The following PDE1C variants were observed in gnomAD, a reference collection of about 807,000 sequenced individuals.
PDE1C encodes dual specificity calcium/calmodulin-dependent 3',5'-cyclic nucleotide phosphodiesterase 1C.
In PDE1C, 62 loss-of-function variants were observed where a neutral mutation model predicts 93.1. The ratio of observed to expected loss-of-function variants is 0.67; its 90% CI spans 0.54 to 0.82. PDE1C has a LOEUF of 0.82. Ranked by LOEUF, PDE1C falls within the 40% of genes least tolerant of loss-of-function variation. PDE1C has a pLI of 0.00. For synonymous variants in PDE1C, 325 were observed against 310.1 expected, an observed-to-expected ratio of 1.05 and a Z score of -0.50; for missense variants, 742 against 884.6, an observed-to-expected ratio of 0.84 and a Z score of 2.04.
At chr7:32,402,845 G>A (rs1784975823) in intron 1 of PDE1C, among the ~76,000 whole-genome samples, 27 of 152,202 alleles carry the variant, frequency 1.8e-4, no homozygotes, top group Admixed American at 1.8e-3. Flanking sequence ...AGATGCTGAA[G>A]GTGAATTGTC....
At chr7:32,124,170 G>C (rs758247666) in intron 3 of PDE1C, among the ~76,000 whole-genome samples, 1 of 152,056 alleles carries the variant, frequency 6.6e-6, no homozygotes, top group Non-Finnish European at 1.5e-5. Flanking sequence ...ACTTCTTCAA[G>C]GAGAACTACA....
intron 1 of PDE1C, among the ~76,000 whole-genome samples, chr7:32,226,344 G>A (rs1209506750): frequency 6.6e-6 from 1 of 152,032 alleles, no homozygotes; most frequent in Non-Finnish European, 1.5e-5. Flanking sequence ...AAGGAGATGA[G>A]GGCCTCAAAG....
At chr7:31,631,670 GGAAGGAAA>G in the PDE1C span, among the ~76,000 whole-genome samples, 4 of 152,232 alleles carry the variant, frequency 2.6e-5, no homozygotes, top group East Asian at 3.9e-4. Flanking sequence ...AGCAACGGAA[GGAAGGAAA>G]GAAGGGAGGA....
At chr7:31,971,467 C>T (rs888428866) in intron 2 of PDE1C, among the ~76,000 whole-genome samples, 2 of 152,212 alleles carry the variant, frequency 1.3e-5, no homozygotes, top group African/African-American at 4.8e-5. Context: ...GAGTCTCTGA[C>T]GATCACGCTA....
At chr7:31,685,607 G>C in the PDE1C span, among the ~76,000 whole-genome samples, 1 of 152,200 alleles carries the variant, frequency 6.6e-6, no homozygotes, top group Admixed American at 6.5e-5. Context: ...GTAAGGCAGG[G>C]TTTAATGCCT....
intron 1 of PDE1C, among the ~76,000 whole-genome samples, chr7:32,210,649 T>C (rs1805955562): frequency 6.6e-6 from 1 of 152,172 alleles, no homozygotes; most frequent in Non-Finnish European, 1.5e-5. Flanking sequence ...TATTTTGTTT[T>C]TCTGGCATTA....
chr7:31,643,654 A>G, the PDE1C span: 1 of 1,614,074 alleles, frequency 6.2e-7, no homozygotes, highest in Non-Finnish European at 8.5e-7. Flanking sequence ...TGATGCTTCC[A>G]TTCAGACTTC....
chr7:32,339,918 T>G (rs900375951), intron 1 of PDE1C, among the ~76,000 whole-genome samples: 3 of 152,106 alleles, frequency 2.0e-5, no homozygotes, highest in African/African-American at 7.2e-5. Flanking sequence ...CTTGCTGGCA[T>G]GGTTGTGTTT....
At chr7:32,394,552 A>C (rs1329219341) in intron 1 of PDE1C, among the ~76,000 whole-genome samples, 2 of 152,256 alleles carry the variant, frequency 1.3e-5, no homozygotes, top group African/African-American at 2.4e-5. Flanking sequence ...TCATGCCTGT[A>C]ATCTCAGCAC....
At chr7:31,990,243 C>T (rs183446600) in intron 2 of PDE1C, among the ~76,000 whole-genome samples, 30 of 152,230 alleles carry the variant, frequency 2.0e-4, no homozygotes, top group Non-Finnish European at 2.2e-4. Flanking sequence ...ATCATGGGGA[C>T]GGGTCTTTCC....
chr7:31,811,480 A>C (rs1787542601), intron 15 of PDE1C, among the ~76,000 whole-genome samples: 1 of 151,982 alleles, frequency 6.6e-6, no homozygotes, highest in Non-Finnish European at 1.5e-5. Flanking sequence ...TCCACCACCA[A>C]AAGAGAAGAA....
In PDE1C at chr7:32,237,684, A is replaced by T. The variant is rs781145857; in HGVS notation, c.86-28145T>A. The stretch of plus-strand genomic sequence containing the variant: ...CATTCTTCTAAGAGGTGAACATGAG[A>T]ATTCCCTTTAAGGTCAATAATGAAA... On this transcript the variant is annotated intron_variant, in intron 1 of 18. Coordinates refer to the PDE1C transcript ENST00000396193. 5.8e-4 allele frequency among the ~76,000 whole-genome samples: 86 copies of T among 148,928 alleles called. No individual in the cohort carries two copies. In the Middle Eastern group the frequency reaches 0.01, roughly 18 times the overall value.
intron 2 of PDE1C, among the ~76,000 whole-genome samples, chr7:31,982,306 G>A (rs774582562): frequency 1.8e-4 from 27 of 152,206 alleles, no homozygotes; most frequent in East Asian, 5.8e-4. Context: ...GTGTGAACTC[G>A]AAAGAATGAA....
chr7:32,281,050 T>A (rs1208186787), intron 1 of PDE1C, among the ~76,000 whole-genome samples: 1 of 152,154 alleles, frequency 6.6e-6, no homozygotes, highest in African/African-American at 2.4e-5. Context: ...GTGTGTAACA[T>A]TAGTATTATT....
At chr7:31,866,348 T>A (rs180846824) in intron 6 of PDE1C, among the ~76,000 whole-genome samples, 294 of 152,282 alleles carry the variant, frequency 1.9e-3, no homozygotes, top group African/African-American at 6.6e-3. Flanking sequence ...GATGAATTCA[T>A]TACCATTTTT....
intron 2 of PDE1C, among the ~76,000 whole-genome samples, chr7:32,033,215 G>A (rs1463636357): frequency 2.6e-5 from 4 of 152,166 alleles, no homozygotes; most frequent in South Asian, 2.1e-4. Context: ...GCTCTGTGGT[G>A]CATTTGCTAT....
intron 1 of PDE1C, among the ~76,000 whole-genome samples, chr7:32,225,757 G>A (rs956354541): frequency 2.0e-5 from 3 of 152,184 alleles, no homozygotes; most frequent in Non-Finnish European, 2.9e-5. Flanking sequence ...CAGCAAAGCT[G>A]TGTTATGAAA....
intron 1 of PDE1C, among the ~76,000 whole-genome samples, chr7:32,265,814 G>A (rs17161123): frequency 0.12 from 17,825 of 152,168 alleles, 1,204 homozygotes; most frequent in African/African-American, 0.16. Context: ...TTCACAGAAG[G>A]AAGACATCAC....
chr7:32,168,791 A>G (rs879874598), intron 3 of PDE1C, among the ~76,000 whole-genome samples: 12 of 152,330 alleles, frequency 7.9e-5, no homozygotes, highest in African/African-American at 2.6e-4. Context: ...CTGTAATTCA[A>G]TCAACACTAA....
Sources: gnomAD v4.1 joint callset for allele counts (sites outside exome capture counted in the v4.1 genomes callset) on GRCh38, gnomAD v4.1.1 for gene constraint, MANE v1.5 for transcripts, NCBI Gene and HGNC (gene_info 2026-07-23, HGNC 2026-07-21) for gene names.